Variants in SCHIP1 observed in about 807,000 individuals in gnomAD.
The protein encoded by SCHIP1 is schwannomin interacting protein 1.
Under a neutral mutation model 29.7 loss-of-function variants are expected in SCHIP1, and 8 were observed. The ratio of observed to expected loss-of-function variants is 0.27; its 90% CI spans 0.16 to 0.49. SCHIP1 has a LOEUF of 0.49. Among genes scored for constraint, SCHIP1 ranks in the 20% least tolerant of loss-of-function variants. The probability of loss-of-function intolerance (pLI) is 0.99; values close to 1 mark genes in which losing one functional copy is unlikely to be tolerated. For missense variants in SCHIP1, 193 were observed against 294.6 expected (o/e 0.66, Z 2.52); for synonymous variants, 76 against 94.9 (o/e 0.80, Z 1.16).
the SCHIP1 span, among the ~76,000 whole-genome samples, chr3:159,383,593 TC>T: frequency 6.9e-6 from 1 of 145,686 alleles, no homozygotes; most frequent in Non-Finnish European, 1.5e-5. Context: ...CAATGCGGGC[TC>T]TTTTTTGGTT....
chr3:159,647,607 G>T, the SCHIP1 span, among the ~76,000 whole-genome samples: 2 of 152,140 alleles, frequency 1.3e-5, no homozygotes, highest in Non-Finnish European at 2.9e-5. Context: ...CTAATTGTGT[G>T]CCTTCACAGT....
chr3:159,296,101 A>G, the SCHIP1 span, among the ~76,000 whole-genome samples: 1 of 151,854 alleles, frequency 6.6e-6, no homozygotes, highest in African/African-American at 2.4e-5. Context: ...AAAGAGGAAA[A>G]CAACCGAAAT....
chr3:159,319,063 G>A, the SCHIP1 span, among the ~76,000 whole-genome samples: 1 of 152,066 alleles, frequency 6.6e-6, no homozygotes, highest in Admixed American at 6.6e-5. Context: ...GACACCTCAG[G>A]CATCATTGGA....
upstream of SCHIP1, among the ~76,000 whole-genome samples, chr3:159,835,891 A>G (rs978133356): frequency 1.1e-4 from 16 of 147,776 alleles, no homozygotes; most frequent in African/African-American, 4.3e-4. Flanking sequence ...GCTAATTGCC[A>G]CAATTGAAAA....
chr3:159,401,294 G>A, the SCHIP1 span: 5 of 888,164 alleles, frequency 5.6e-6, no homozygotes, highest in South Asian at 1.0e-4. Context: ...GTGGTGAGGG[G>A]ATGTGCAAAT....
At chr3:159,349,944 A>G in the SCHIP1 span, among the ~76,000 whole-genome samples, 1 of 152,156 alleles carries the variant, frequency 6.6e-6, no homozygotes, top group African/African-American at 2.4e-5. Flanking sequence ...TTACCTCTTC[A>G]ACTCTGTGAG....
At chr3:159,547,744 C>T in the SCHIP1 span, among the ~76,000 whole-genome samples, 2 of 152,126 alleles carry the variant, frequency 1.3e-5, no homozygotes, top group South Asian at 4.2e-4. Context: ...ATTTCTGAGG[C>T]CTCAGTTCTG....
chr3:159,825,256 G>A, the SCHIP1 span, among the ~76,000 whole-genome samples: 1 of 152,146 alleles, frequency 6.6e-6, no homozygotes, highest in Non-Finnish European at 1.5e-5. Flanking sequence ...AGTTACTGCA[G>A]TTGAGTAAGT....
the SCHIP1 span, among the ~76,000 whole-genome samples, chr3:159,479,504 G>A: frequency 1.3e-5 from 2 of 151,966 alleles, no homozygotes; most frequent in Non-Finnish European, 2.9e-5. Context: ...TTTCACATAC[G>A]GTCAGATCAA....
Position 159,883,531 on chromosome 3 carries a change from G to A in SCHIP1, c.150-2676G>A, listed in dbSNP as rs1176159553. Among the ~76,000 whole-genome samples the A allele has an allele frequency of 2.0e-5, 3 of 152,078 alleles. 1 individual carries two copies. The highest frequency in any genetic ancestry group is 1.3e-4 in the Admixed American group (2 of 15,272). ...ACTCATCCATTCAGGCTGCTTGGGA[G>A]CTGTGGTTGAGTTTCACCGAGAGCT... On this transcript the variant is annotated intron_variant, in intron 2 of 6. Transcript: ENST00000445224.
intron 1 of SCHIP1, among the ~76,000 whole-genome samples, chr3:159,860,825 G>A (rs1425488390): frequency 2.0e-5 from 3 of 152,094 alleles, no homozygotes; most frequent in Non-Finnish European, 4.4e-5. Flanking sequence ...CTCATCTACT[G>A]GATCCCCTGA....
chr3:159,807,536 A>G, the SCHIP1 span, among the ~76,000 whole-genome samples: 1 of 152,158 alleles, frequency 6.6e-6, no homozygotes, highest in African/African-American at 2.4e-5. Context: ...TTTGTTCTCC[A>G]TGTGTTAATT....
the SCHIP1 span, among the ~76,000 whole-genome samples, chr3:159,481,795 C>G: frequency 6.6e-6 from 1 of 152,122 alleles, no homozygotes; most frequent in African/African-American, 2.4e-5. Context: ...CTTAACATTT[C>G]TTGTTTATTT....
chr3:159,641,056 C>G, the SCHIP1 span, among the ~76,000 whole-genome samples: 1 of 152,072 alleles, frequency 6.6e-6, no homozygotes, highest in African/African-American at 2.4e-5. Flanking sequence ...ATTAGGGTAT[C>G]CAACATTCTC....
At chr3:159,708,448 A>G in the SCHIP1 span, among the ~76,000 whole-genome samples, 1 of 152,224 alleles carries the variant, frequency 6.6e-6, no homozygotes, top group Non-Finnish European at 1.5e-5. Context: ...AGAGGGATGG[A>G]CAGAAGAAAA....
At chr3:159,624,402 C>T in the SCHIP1 span, among the ~76,000 whole-genome samples, 2 of 152,196 alleles carry the variant, frequency 1.3e-5, no homozygotes, top group Admixed American at 6.5e-5. Flanking sequence ...CTGGACAACT[C>T]AGTGATTGCC....
chr3:159,310,900 G>A, the SCHIP1 span, among the ~76,000 whole-genome samples: 6 of 152,070 alleles, frequency 3.9e-5, no homozygotes, highest in South Asian at 2.1e-4. Context: ...TTTGCATGCC[G>A]GAATTGAAAT....
chr3:159,433,176 A>G, the SCHIP1 span, among the ~76,000 whole-genome samples: 1 of 152,190 alleles, frequency 6.6e-6, no homozygotes, highest in African/African-American at 2.4e-5. Context: ...GAAAAAGCAT[A>G]TCTGGCACAG....
At chr3:159,675,614 G>A in the SCHIP1 span, among the ~76,000 whole-genome samples, 5 of 152,228 alleles carry the variant, frequency 3.3e-5, no homozygotes, top group Non-Finnish European at 7.3e-5. Flanking sequence ...AGAATTATGT[G>A]TTTAAGAAGC....
Sources: gnomAD v4.1 joint callset for allele counts (sites outside exome capture counted in the v4.1 genomes callset) on GRCh38, gnomAD v4.1.1 for gene constraint, MANE v1.5 for transcripts, NCBI Gene and HGNC (gene_info 2026-07-23, HGNC 2026-07-21) for gene names.